The following TGFBRAP1 variants were observed in gnomAD, a reference collection of about 807,000 sequenced individuals.
TGFBRAP1 encodes transforming growth factor beta receptor associated protein 1, also known as transforming growth factor-beta receptor-associated protein 1.
Under a neutral mutation model 83.2 loss-of-function variants are expected in TGFBRAP1, and 20 were observed. The observed-to-expected ratio is 0.24, with a 90% CI of 0.17 to 0.35. TGFBRAP1 has a LOEUF of 0.35. Among genes scored for constraint, TGFBRAP1 ranks in the 10% least tolerant of loss-of-function variants. The pLI, the probability that TGFBRAP1 is intolerant of heterozygous loss-of-function variation, is 1.00. For missense variants in TGFBRAP1, 950 were observed against 1,099.4 expected, an observed-to-expected ratio of 0.86 and a Z score of 1.92; for synonymous variants, 415 against 459.8, an observed-to-expected ratio of 0.90 and a Z score of 1.25.
intron 6 of TGFBRAP1, among the ~76,000 whole-genome samples, chr2:105,279,054 G>A (rs1356296398): frequency 2.6e-5 from 4 of 151,830 alleles, no homozygotes; most frequent in Non-Finnish European, 4.4e-5. Context: ...ATCATAGACC[G>A]AAAAAATCTT....
intron 3 of TGFBRAP1, among the ~76,000 whole-genome samples, chr2:105,297,897 T>C (rs1678137779): frequency 6.6e-6 from 1 of 152,214 alleles, no homozygotes; most frequent in Non-Finnish European, 1.5e-5. Flanking sequence ...TTACTTTGTC[T>C]CTCTTACCAC....
intron 2 of TGFBRAP1, among the ~76,000 whole-genome samples, chr2:105,300,351 G>A (rs559612064): frequency 6.6e-6 from 1 of 151,586 alleles, no homozygotes; most frequent in East Asian, 1.9e-4. Context: ...ATGTAGCTGA[G>A]ACACAGTGCA....
At position 105,307,915 on chromosome 2, in the gene TGFBRAP1, C is replaced by T. The variant is rs1464369413; in HGVS notation, c.387G>A (p.Val129=). 6.2e-7 allele frequency: 1 copy of T among 1,614,246 alleles called. No homozygotes were observed. Among genetic ancestry groups the T allele is most frequent in the South Asian group, 1.1e-5 (1 of 91,086 alleles). Residue 129 remains valine, a synonymous_variant, in exon 2 of 12, where the codon GTG becomes GTA. Transcript: ENST00000393359. ...CTTCTACACAGAAGGGGTCCCCACT[C>T]ACAGGGTTCTCGTTCAGTGCAAACG... ...AATFALNENP[V]SGDPFCVEVC...
At chr2:105,272,197 G>A (rs547307233) in intron 10 of TGFBRAP1, among the ~76,000 whole-genome samples, 80 of 152,268 alleles carry the variant, frequency 5.3e-4, no homozygotes, top group African/African-American at 1.7e-3. Flanking sequence ...ACCATGCTGC[G>A]CTGTGGAACT....
rs1678871974 is a variant in TGFBRAP1, at chr2:105,316,464, C to CTGT, written c.-17-8147_-17-8146insACA. On this transcript the variant is annotated intron_variant, in intron 1 of 11. Transcript: ENST00000393359. ...GTGTGTGTGTGTGTGTGTGTGTGTG[C>CTGT]GCGCGCGCGCGCGCGCACGCGCACA... is the stretch of plus-strand genomic sequence containing the variant. Among the ~76,000 whole-genome samples, 4 of 81,768 alleles carry CTGT rather than the reference C, an allele frequency of 4.9e-5. No individual in the cohort carries two copies. In the South Asian group the frequency reaches 1.6e-3, roughly 32 times the overall value. The allele number at this position is 81,768 out of a possible 152,430, so 53.6% of individuals were successfully genotyped here.
intron 2 of TGFBRAP1, among the ~76,000 whole-genome samples, chr2:105,300,298 C>T (rs1290244397): frequency 6.6e-6 from 1 of 152,086 alleles, no homozygotes; most frequent in Non-Finnish European, 1.5e-5. Flanking sequence ...CAGTTACAAG[C>T]AGAACAAAAC....
At chr2:105,249,735 A>T in the TGFBRAP1 span, 1 of 152,248 alleles carries the variant, frequency 6.6e-6, no homozygotes, top group African/African-American at 2.4e-5. Context: ...ATTACATTAA[A>T]GGAAAGAAGG....
rs1009833449 is a variant in TGFBRAP1, at chr2:105,265,642, C to T, written c.*1741G>A. The stretch of plus-strand genomic sequence containing the variant: ...CATATGCAGTAATATGACCATTCTA[C>T]AACAGAGTCACCCACAGGTAAAACA... On this transcript the variant is annotated 3_prime_UTR_variant, in exon 12 of 12. Coordinates refer to ENST00000393359, the MANE Select transcript of TGFBRAP1 (RefSeq NM_004257.6). 6.6e-6 allele frequency: 1 copy of T among 152,654 alleles called. No homozygotes were observed. Among genetic ancestry groups the T allele is most frequent in the Non-Finnish European group, 1.5e-5 (1 of 68,062 alleles). The allele number at this position is 152,654 out of a possible 1,614,324, so 9.5% of individuals were successfully genotyped here.
intron 1 of TGFBRAP1, among the ~76,000 whole-genome samples, chr2:105,321,859 T>G (rs1469626286): frequency 6.6e-6 from 1 of 152,196 alleles, no homozygotes; most frequent in African/African-American, 2.4e-5. Context: ...TTACATACAG[T>G]ATGTAGTACT....
At chr2:105,319,926 G>A (rs1679006511) in intron 1 of TGFBRAP1, among the ~76,000 whole-genome samples, 1 of 151,146 alleles carries the variant, frequency 6.6e-6, no homozygotes, top group African/African-American at 2.4e-5. Flanking sequence ...ATACATACAT[G>A]TTATATACAC....
the TGFBRAP1 span, among the ~76,000 whole-genome samples, chr2:105,250,166 G>C: frequency 1.3e-5 from 2 of 152,162 alleles, no homozygotes; most frequent in African/African-American, 4.8e-5. Flanking sequence ...TAGTTAGTCT[G>C]ATAAGAACGG....
At chr2:105,311,890 A>T (rs1013548607) in intron 1 of TGFBRAP1, among the ~76,000 whole-genome samples, 1 of 152,084 alleles carries the variant, frequency 6.6e-6, no homozygotes, top group African/African-American at 2.4e-5. Context: ...CCTGGGTGAC[A>T]GGAGCAAAAC....
intron 4 of TGFBRAP1, among the ~76,000 whole-genome samples, chr2:105,293,412 C>T (rs1342095787): frequency 6.6e-6 from 1 of 152,162 alleles, no homozygotes. Context: ...GATCCTTAAT[C>T]CCAGCCCCAC....
chr2:105,257,748 C>T, the TGFBRAP1 span, among the ~76,000 whole-genome samples: 1 of 152,036 alleles, frequency 6.6e-6, no homozygotes, highest in Non-Finnish European at 1.5e-5. Context: ...AAATATAACC[C>T]TATATCAGAC....
rs1276625300 is a variant in TGFBRAP1, at chr2:105,316,472, C to CGT, written c.-17-8155_-17-8154insAC. On this transcript the variant is annotated intron_variant, in intron 1 of 11. Transcript: ENST00000393359. The stretch of plus-strand genomic sequence containing the variant: ...GTGTGTGTGTGTGTGTGCGCGCGCG[C>CGT]GCGCGCGCACGCGCACATAACTCAA... Among the ~76,000 whole-genome samples, 11 of 77,770 alleles carry CGT rather than the reference C, an allele frequency of 1.4e-4. 1 individual carries two copies. In the East Asian group the frequency reaches 2.6e-3, roughly 18 times the overall value. 51.0% of individuals were successfully genotyped at this position (77,770 alleles called of 152,430 possible).
chr2:105,255,534 T>C, the TGFBRAP1 span, among the ~76,000 whole-genome samples: 3 of 151,106 alleles, frequency 2.0e-5, no homozygotes, highest in East Asian at 1.9e-4. Flanking sequence ...TTGTCCAGGC[T>C]GGTTTCGAAC....
intron 9 of TGFBRAP1, 92 bp from the exon 10 acceptor site, chr2:105,273,106 G>C: frequency 6.7e-7 from 1 of 1,498,244 alleles, no homozygotes. Flanking sequence ...TGGAGACCGC[G>C]GCTGCACTGA....
At chr2:105,251,291 C>T in the TGFBRAP1 span, among the ~76,000 whole-genome samples, 2 of 141,518 alleles carry the variant, frequency 1.4e-5, no homozygotes, top group Non-Finnish European at 3.0e-5. Flanking sequence ...TGAGGAGCCT[C>T]TCTGCCTGGC....
Position 105,296,356 on chromosome 2 carries a change from C to T in TGFBRAP1, c.1038G>A (p.Gln346=). Reference sequence around the variant, plus strand: ...TTTCTGTGACCAGTTAATTACAAACCTGAAATTTTTCCTTTGGAATGTTCC... The same window carrying T: ...TTTCTGTGACCAGTTAATTACAAACTTGAAATTTTTCCTTTGGAATGTTCC... ...ARRNIPKEKF[Q]VMYRRILQQA... Residue 346 remains glutamine, a splice_region_variant and synonymous_variant, in exon 4 of 12, where the codon CAG becomes CAA. Transcript: ENST00000393359. 6.2e-7 allele frequency: 1 copy of T among 1,613,456 alleles called. No homozygotes were observed. The highest frequency in any genetic ancestry group is 8.5e-7 in the Non-Finnish European group (1 of 1,179,904).
Sources: allele counts gnomAD v4.1 joint callset (sites outside exome capture counted in the v4.1 genomes callset), GRCh38; gene constraint gnomAD v4.1.1; transcripts MANE v1.5; gene names NCBI Gene and HGNC (gene_info 2026-07-23, HGNC 2026-07-21).